The following PRAM1 variants were observed in gnomAD, a reference collection of about 807,000 sequenced individuals.
The protein encoded by PRAM1 is PML-RARA-regulated adapter molecule 1.
A neutral mutation model predicts 55.3 loss-of-function variants in PRAM1; 41 were observed. The observed-to-expected ratio is 0.74, with a 90% CI of 0.58 to 0.96. The LOEUF is 0.96. Ranked by LOEUF, PRAM1 falls within the 40% of genes least tolerant of loss-of-function variation. The pLI is 0.00. For missense variants in PRAM1, 898 were observed against 892.7 expected (o/e 1.01, Z -0.08); for synonymous variants, 401 against 387.1 (o/e 1.04, Z -0.42).
In PRAM1 at chr19:8,497,850, T is replaced by C; in HGVS notation, c.1500-10A>G. 7.3e-7 allele frequency: 1 copy of C among 1,368,656 alleles called. No homozygotes were observed. Among genetic ancestry groups the C allele is most frequent in the Non-Finnish European group, 1.0e-6 (1 of 981,546 alleles). The allele number at this position is 1,368,656 out of a possible 1,614,324, so 84.8% of individuals were successfully genotyped here. ...GATCTCATCTGGGACCCTGCGGGGA[T>C]ACCTGAGATGAGGCCTCTTCTTTTT... On this transcript the variant is annotated splice_polypyrimidine_tract_variant and intron_variant, in intron 3 of 9. Transcript: ENST00000423345.
intron 1 of PRAM1, among the ~76,000 whole-genome samples, chr19:8,501,080 C>T (rs1971799824): frequency 6.7e-6 from 1 of 150,092 alleles, no homozygotes; most frequent in African/African-American, 2.5e-5. Context: ...ACCTAGACCA[C>T]CCTATTTTTC....
intron 4 of PRAM1, among the ~76,000 whole-genome samples, chr19:8,494,192 C>T (rs1269611385): frequency 6.6e-6 from 1 of 152,086 alleles, no homozygotes; most frequent in Non-Finnish European, 1.5e-5. Context: ...AGGGTGGGGA[C>T]TGTATGAAGT....
rs1264833818 is a variant in PRAM1 at position 8,490,932 on chromosome 19, C to T, written c.1698G>A (p.Leu566=). 5 of 1,613,840 alleles carry T rather than the reference C, an allele frequency of 3.1e-6. No homozygotes were observed. The South Asian group carries it at 5.5e-5, about 18-fold the overall frequency. The stretch of plus-strand genomic sequence containing the variant: ...CCCTCTCGGCCTTCTCTGCCTTCCT[C>T]AGCTGCTTCAGCAACTTTGGGTCCA... ...PPMDPKLLKQ[L]RKAEKAEREF... The change falls in exon 6 of 10, where the codon CTG becomes CTA. Residue 566 remains leucine (L), a synonymous_variant. Transcript: ENST00000423345. This position sits in a 1 kb window ranked among gnomAD's most constrained non-coding sequence, Gnocchi z 7.3.
At position 8,498,379 on chromosome 19, in the gene PRAM1, T is replaced by C; in HGVS notation, c.1429A>G (p.Ile477Val). 6.3e-7 allele frequency: 1 copy of C among 1,583,498 alleles called. No homozygotes were observed. Among genetic ancestry groups the C allele is most frequent in the Non-Finnish European group, 8.6e-7 (1 of 1,164,386 alleles). The change falls in exon 2 of 10, where the codon ATA becomes GTA. Residue 477 changes from isoleucine (I) to valine (V), a missense_variant. Ile to Val is a conservative substitution (Grantham distance 29). Coordinates refer to ENST00000423345, the MANE Select transcript of PRAM1 (RefSeq NM_032152.5). Reference sequence around the variant, plus strand: ...GGTGCCGCCCGCCCTCACCCACCTATGGATGCTGCAGAGGGTCTCCGAAAG... The same window carrying C: ...GGTGCCGCCCGCCCTCACCCACCTACGGATGCTGCAGAGGGTCTCCGAAAG... ...QSFRRPSAAS[I>V]DLRRTRSAAG... is the part of the protein sequence containing the mutation.
chr19:8,498,199 C>T (rs370225663), intron 3 of PRAM1, 24 bp downstream of exon 3: 2 of 1,607,508 alleles, frequency 1.2e-6, no homozygotes, highest in African/African-American at 1.3e-5. Flanking sequence ...TCCGCACCCA[C>T]CTCCGCTTCC....
At chr19:8,492,898 G>C (rs182897473) in intron 4 of PRAM1, among the ~76,000 whole-genome samples, 30 of 152,296 alleles carry the variant, frequency 2.0e-4, no homozygotes, top group Admixed American at 5.2e-4. Flanking sequence ...TCAGGAGGCT[G>C]AGGCAGGAGA....
In PRAM1 at chr19:8,498,777, T is replaced by C. The variant is rs1599881983; in HGVS notation, c.1031A>G (p.Lys344Arg). ...SEPEFNSLPR[K>R]LLQPERRGPP... ...CCCCCGGCGCTCCGGCTGCAGCAGC[T>C]TCCTGGGGAGTGAGTTGAACTCGGG... The change falls in exon 2 of 10, where the codon AAG (lysine) becomes AGG (arginine). Residue 344 changes from lysine (K) to arginine (R), a missense_variant. By Grantham distance (26) the Lys-to-Arg change is conservative. Transcript: ENST00000423345. 4 of 1,575,044 alleles carry C rather than the reference T, an allele frequency of 2.5e-6. No homozygotes were observed. The highest frequency in any genetic ancestry group is 1.9e-5 in the Admixed American group (1 of 53,014).
chr19:8,500,144 T>C (rs1190248321), intron 1 of PRAM1, among the ~76,000 whole-genome samples: 1 of 138,212 alleles, frequency 7.2e-6, no homozygotes, highest in Non-Finnish European at 1.5e-5. Context: ...TCTCGTTCCA[T>C]TGCCCAGGCT....
Position 8,490,561 on chromosome 19 carries a change from A to G in PRAM1, c.1906+33T>C, listed in dbSNP as rs1226048987. 6.3e-7 allele frequency: 1 copy of G among 1,595,792 alleles called. No individual in the cohort carries two copies. The highest frequency in any genetic ancestry group is 8.5e-7 in the Non-Finnish European group (1 of 1,172,000). Reference sequence around the variant, plus strand: ...TCTGAGGCCCAGGGTGGCGGCGGGGACCTCCCGGGGCTGCGGGGCCGGGCG... The same window carrying G: ...TCTGAGGCCCAGGGTGGCGGCGGGGGCCTCCCGGGGCTGCGGGGCCGGGCG... On this transcript the variant is annotated intron_variant, in intron 7 of 9. Transcript: ENST00000423345. The surrounding 1 kb of genome is among the most constrained non-coding windows in gnomAD (Gnocchi z 7.3).
chr19:8,495,032 C>T (rs757245210), intron 4 of PRAM1, among the ~76,000 whole-genome samples: 5 of 151,936 alleles, frequency 3.3e-5, no homozygotes, highest in African/African-American at 9.7e-5. Context: ...CTCCACCTCC[C>T]GGGTTCAAGG....
At chr19:8,500,649 T>A (rs1971794052) in intron 1 of PRAM1, among the ~76,000 whole-genome samples, 1 of 152,222 alleles carries the variant, frequency 6.6e-6, no homozygotes. Flanking sequence ...CCTCGGGGCC[T>A]CTGCCCTGTC....
intron 4 of PRAM1, chr19:8,496,064 G>A: frequency 2.2e-6 from 1 of 456,070 alleles, no homozygotes. Flanking sequence ...ACCTCCCCCT[G>A]AGTTTCAGGC....
At chr19:8,496,718 C>G (rs986507859) in intron 4 of PRAM1, among the ~76,000 whole-genome samples, 1 of 151,892 alleles carries the variant, frequency 6.6e-6, no homozygotes, top group Non-Finnish European at 1.5e-5. Flanking sequence ...GAGCGAGCCT[C>G]CATCTCAAAC....
In PRAM1 at chr19:8,490,151, T is replaced by TGGGC. The variant is rs1036790172; in HGVS notation, c.*34_*37dup. On this transcript the variant is annotated 3_prime_UTR_variant, in exon 10 of 10. Transcript: ENST00000423345. The surrounding 1 kb of genome is among the most constrained non-coding windows in gnomAD (Gnocchi z 7.3). ...CCAGGGCTCCTGGGTGAGCGGGCGC[T>TGGGC]GGGCTGGCTGGCTGTCCTGGCCCCA... The TGGGC allele has an allele frequency of 3.3e-6, 5 of 1,511,646 alleles. No homozygotes were observed. The highest frequency in any genetic ancestry group is 2.4e-5 in the East Asian group (1 of 42,124). 93.6% of individuals were successfully genotyped at this position (1,511,646 alleles called of 1,614,324 possible).
intron 3 of PRAM1, 138 bp downstream of exon 3, chr19:8,498,085 G>T: frequency 2.2e-6 from 2 of 928,204 alleles, no homozygotes; most frequent in Non-Finnish European, 3.2e-6. Context: ...TCACCACGTT[G>T]GCCAGGCTGT....
chr19:8,490,086 T>A lies in PRAM1; in HGVS notation c.*103A>T, dbSNP rs1158299311. 1 of 1,172,926 alleles carries A rather than the reference T, an allele frequency of 8.5e-7. No individual in the cohort carries two copies. The highest frequency in any genetic ancestry group is 1.2e-6 in the Non-Finnish European group (1 of 846,206). 72.7% of individuals were successfully genotyped at this position (1,172,926 alleles called of 1,614,324 possible). On this transcript the variant is annotated 3_prime_UTR_variant, in exon 10 of 10. Coordinates refer to ENST00000423345, the MANE Select transcript of PRAM1 (RefSeq NM_032152.5). The surrounding 1 kb of genome is among the most constrained non-coding windows in gnomAD (Gnocchi z 7.3). ...TAAACTGGGGCTTTATGTGGCCAGG[T>A]ACAAGCCCAGGCAGCTCTGTGACTT...
rs1971743110 is a variant in PRAM1, at chr19:8,498,703, G to A, written c.1105C>T (p.His369Tyr). Residue 369 changes from histidine (H) to tyrosine (Y), a missense_variant, in exon 2 of 10, where the codon CAC becomes TAC. Physicochemically the swap from His to Tyr is moderately conservative, Grantham distance 83. Around this residue, in one of 4 missense-constraint regions of PRAM1, gnomAD observed 787 missense variants for 735.4 expected, o/e 1.07. Transcript: ENST00000423345. ...QPEPSAVLKR[H>Y]PQPEFFGDLP... ...TCACCGAAGAACTCAGGCTGCGGGT[G>A]TCTCTTGAGGACAGCGCTGGGCTCA... 2 of 1,599,586 alleles carry A rather than the reference G, an allele frequency of 1.3e-6. No individual in the cohort carries two copies. The highest frequency in any genetic ancestry group is 8.5e-7 in the Non-Finnish European group (1 of 1,173,680).
intron 4 of PRAM1, among the ~76,000 whole-genome samples, chr19:8,494,322 T>C (rs1971667927): frequency 6.6e-6 from 1 of 152,242 alleles, no homozygotes; most frequent in Non-Finnish European, 1.5e-5. Flanking sequence ...CTCCTGGCCA[T>C]CCGCATCCCC....
chr19:8,499,071 A>T lies in PRAM1; in HGVS notation c.737T>A (p.Phe246Tyr), dbSNP rs747737089. The T allele has an allele frequency of 6.8e-6, 11 of 1,613,246 alleles. No homozygotes were observed. Among genetic ancestry groups the T allele is most frequent in the Non-Finnish European group, 9.3e-6 (11 of 1,179,750 alleles). Residue 246 changes from phenylalanine (F) to tyrosine (Y), a missense_variant, in exon 2 of 10, where the codon TTC (phenylalanine) becomes TAC (tyrosine). This residue lies in a region of PRAM1 where 787 missense variants were observed against 735.4 expected (regional missense o/e 1.07). Transcript: ENST00000423345. Reference protein sequence around the residue: ...LPKKSVPQPEFSEAAQTPLWK... With the variant: ...LPKKSVPQPEYSEAAQTPLWK... ...GAGGGGAGTCTGAGCGGCCTCGCTG[A>T]ACTCAGGCTGCGGCACGGACTTCTT...
Sources: allele counts gnomAD v4.1 joint callset (sites outside exome capture counted in the v4.1 genomes callset), GRCh38; gene constraint gnomAD v4.1.1; regional missense constraint gnomAD v4.1.1; non-coding constraint Gnocchi (gnomAD v3.1); transcripts MANE v1.5; gene names NCBI Gene and HGNC (gene_info 2026-07-23, HGNC 2026-07-21).